Variants in SH3RF3 observed in about 807,000 individuals in gnomAD.
SH3RF3 encodes E3 ubiquitin-protein ligase SH3RF3.
A neutral mutation model predicts 66.3 loss-of-function variants in SH3RF3; 29 were observed. The ratio of observed to expected loss-of-function variants is 0.44; its 90% CI spans 0.33 to 0.60. The LOEUF (loss-of-function observed/expected upper bound fraction) is 0.60. Ranked by LOEUF, SH3RF3 falls within the 20% of genes least tolerant of loss-of-function variation. The pLI is 0.04. For synonymous variants in SH3RF3, 583 were observed against 532.0 expected (o/e 1.10, Z -1.32); for missense variants, 1,194 against 1,190.9 (o/e 1.00, Z -0.04).
At chr2:109,484,939 T>C (rs1341381989) in intron 8 of SH3RF3, among the ~76,000 whole-genome samples, 1 of 152,226 alleles carries the variant, frequency 6.6e-6, no homozygotes, top group Non-Finnish European at 1.5e-5. Flanking sequence ...GTGTACCTGG[T>C]GGAGTTAAAG....
intron 1 of SH3RF3, among the ~76,000 whole-genome samples, chr2:109,288,055 T>C (rs1681074681): frequency 6.6e-6 from 1 of 152,230 alleles, no homozygotes; most frequent in African/African-American, 2.4e-5. Flanking sequence ...AGCTGTCCCA[T>C]TGTCACATCA....
intron 8 of SH3RF3, among the ~76,000 whole-genome samples, chr2:109,474,436 G>A (rs1301674008): frequency 3.3e-5 from 5 of 152,160 alleles, no homozygotes; most frequent in African/African-American, 1.2e-4. Context: ...CACTGTGGAT[G>A]CAGCTCGCTA....
intron 3 of SH3RF3, among the ~76,000 whole-genome samples, chr2:109,373,132 A>C (rs559088549): frequency 6.6e-6 from 1 of 151,476 alleles, no homozygotes; most frequent in Non-Finnish European, 1.5e-5. Flanking sequence ...ACACACACAC[A>C]CTCTCCTGTA....
chr2:109,371,243 A>G (rs1683264696), intron 2 of SH3RF3, among the ~76,000 whole-genome samples: 1 of 152,230 alleles, frequency 6.6e-6, no homozygotes, highest in African/African-American at 2.4e-5. Flanking sequence ...TACAAAAATT[A>G]GCTGGGTGTG....
At chr2:109,436,297 G>A (rs1003382606) in intron 6 of SH3RF3, among the ~76,000 whole-genome samples, 9 of 152,320 alleles carry the variant, frequency 5.9e-5, no homozygotes, top group South Asian at 4.2e-4. Context: ...GAGGGAAAGC[G>A]TGAAAAGCCC....
chr2:109,323,793 T>C (rs1471331830), intron 1 of SH3RF3, among the ~76,000 whole-genome samples: 1 of 152,242 alleles, frequency 6.6e-6, no homozygotes, highest in East Asian at 1.9e-4. Context: ...ATTTTTGTTA[T>C]TTTAGGTCTC....
At chr2:109,245,939 A>G (rs964999887) in intron 1 of SH3RF3, among the ~76,000 whole-genome samples, 1 of 152,096 alleles carries the variant, frequency 6.6e-6, no homozygotes, top group African/African-American at 2.4e-5. Context: ...TGAGGGAACA[A>G]AAAAAAATTA....
chr2:109,424,026 A>G (rs1032344267), intron 5 of SH3RF3, among the ~76,000 whole-genome samples: 7 of 152,168 alleles, frequency 4.6e-5, no homozygotes, highest in Non-Finnish European at 1.5e-5. Flanking sequence ...GTTGCAGTGG[A>G]GGGAAGGAGC....
At chr2:109,417,141 C>G (rs1676747305) in intron 4 of SH3RF3, among the ~76,000 whole-genome samples, 1 of 152,174 alleles carries the variant, frequency 6.6e-6, no homozygotes, top group South Asian at 2.1e-4. Context: ...TCAGTGGCCA[C>G]AAGGAGACCT....
intron 3 of SH3RF3, among the ~76,000 whole-genome samples, chr2:109,393,239 A>G (rs1055392950): frequency 2.0e-5 from 3 of 152,228 alleles, no homozygotes; most frequent in Non-Finnish European, 4.4e-5. Flanking sequence ...CGAACGCCCC[A>G]CAGGAGTCTC....
At chr2:109,321,895 G>T (rs1483012894) in intron 1 of SH3RF3, among the ~76,000 whole-genome samples, 1 of 152,230 alleles carries the variant, frequency 6.6e-6, no homozygotes, top group South Asian at 2.1e-4. Context: ...TCCCAGTGTG[G>T]TCAGGACTTC....
chr2:109,186,237 G>A (rs1018576518), intron 1 of SH3RF3, among the ~76,000 whole-genome samples: 2 of 152,234 alleles, frequency 1.3e-5, no homozygotes, highest in African/African-American at 4.8e-5. Flanking sequence ...AGTGCTTCCC[G>A]TGTACGAGAT....
chr2:109,174,304 G>A (rs919797297), intron 1 of SH3RF3, among the ~76,000 whole-genome samples: 17 of 152,264 alleles, frequency 1.1e-4, no homozygotes, highest in African/African-American at 3.9e-4. Flanking sequence ...TGGCAAGAGG[G>A]GAGAGGAACA....
intron 1 of SH3RF3, among the ~76,000 whole-genome samples, chr2:109,296,515 T>G (rs1681312578): frequency 6.6e-6 from 1 of 152,154 alleles, no homozygotes; most frequent in Non-Finnish European, 1.5e-5. Context: ...ATGCTGAGAT[T>G]ACAGGTGTGA....
At chr2:109,268,388 A>G (rs935990512) in intron 1 of SH3RF3, among the ~76,000 whole-genome samples, 2 of 151,916 alleles carry the variant, frequency 1.3e-5, no homozygotes, top group African/African-American at 2.4e-5. Context: ...CACCCGCACA[A>G]CTGCAGCAGG....
Position 109,476,043 on chromosome 2 carries a change from CAG to C in SH3RF3, c.2149-14559_2149-14558del, listed in dbSNP as rs555643774. On this transcript the variant is annotated intron_variant, in intron 8 of 9. Transcript: ENST00000309415. ...GTAAGTCCTGGAGATCGGCTGTGCC[CAG>C]AGTTAGCAGTACTGTACGGTATGCT... 1.2e-3 allele frequency among the ~76,000 whole-genome samples: 179 copies of C among 152,298 alleles called. 1 individual carries two copies. The highest frequency in any genetic ancestry group is 4.2e-3 in the African/African-American group (174 of 41,552).
In SH3RF3 at chr2:109,229,372, C is replaced by G. The variant is rs181287381; in HGVS notation, c.573+99259C>G. Among the ~76,000 whole-genome samples the G allele has an allele frequency of 2.7e-3, 414 of 152,284 alleles. 4 individuals are homozygous for G. The highest frequency in any genetic ancestry group is 9.6e-3 in the African/African-American group (398 of 41,560). ...CATTAACATGATAGTTCTCCATTTG[C>G]AAAGCTGTAGTTTTTTCCTGCCATC... is the stretch of plus-strand genomic sequence containing the variant. On this transcript the variant is annotated intron_variant, in intron 1 of 9. Coordinates refer to ENST00000309415, the MANE Select transcript of SH3RF3 (RefSeq NM_001099289.3).
intron 3 of SH3RF3, among the ~76,000 whole-genome samples, chr2:109,378,645 G>T (rs1162101913): frequency 6.6e-6 from 1 of 152,190 alleles, no homozygotes; most frequent in Non-Finnish European, 1.5e-5. Context: ...TCAGTTTGGT[G>T]TTTTTGAGGC....
rs140264613 is a variant in SH3RF3 at position 109,158,343 on chromosome 2, A to G, written c.573+28230A>G. On this transcript the variant is annotated intron_variant, in intron 1 of 9. Coordinates refer to ENST00000309415, the MANE Select transcript of SH3RF3 (RefSeq NM_001099289.3). ...GGCTTTGGGGACTCCCTCAACGCTT[A>G]GGTGTCCTCTTCTCTCATCCTGGGG... Among the ~76,000 whole-genome samples, 348 of 152,294 alleles carry G rather than the reference A, an allele frequency of 2.3e-3. 1 individual carries two copies. Among genetic ancestry groups the G allele is most frequent in the African/African-American group, 7.8e-3 (325 of 41,558 alleles).
Sources: allele counts gnomAD v4.1 joint callset (sites outside exome capture counted in the v4.1 genomes callset), GRCh38; gene constraint gnomAD v4.1.1; transcripts MANE v1.5; gene names NCBI Gene and HGNC (gene_info 2026-07-23, HGNC 2026-07-21).